Variants in DZIP1L observed in about 807,000 individuals in gnomAD.
The protein encoded by DZIP1L is cilium assembly protein DZIP1L.
A neutral mutation model predicts 88.7 loss-of-function variants in DZIP1L; 90 were observed. That is an observed-to-expected ratio of 1.02 (90% CI 0.86 to 1.21). The LOEUF (loss-of-function observed/expected upper bound fraction) is 1.21. Among genes scored for constraint, DZIP1L ranks in the 50% most tolerant of loss-of-function variants. The pLI is 0.00. For synonymous variants in DZIP1L, 363 were observed against 372.1 expected, an observed-to-expected ratio of 0.98 and a Z score of 0.28; for missense variants, 932 against 955.8, an observed-to-expected ratio of 0.98 and a Z score of 0.33.
chr3:138,099,162 T>C (rs1405956274), intron 2 of DZIP1L, among the ~76,000 whole-genome samples: 1 of 152,118 alleles, frequency 6.6e-6, no homozygotes, highest in Non-Finnish European at 1.5e-5. Context: ...TTGGTCTTTG[T>C]TCCTTCCTAG....
rs905649214 is a variant in DZIP1L at position 138,086,037 on chromosome 3, C to T, written c.1062+924G>A. Reference sequence around the variant, plus strand: ...AAACCAAACACCGCATGTTCTCACTCATAGTTGGGAATTGAACAATGAGAA... The same window carrying T: ...AAACCAAACACCGCATGTTCTCACTTATAGTTGGGAATTGAACAATGAGAA... On this transcript the variant is annotated intron_variant, in intron 7 of 15. Transcript: ENST00000327532. Among the ~76,000 whole-genome samples the T allele has an allele frequency of 1.5e-4, 22 of 151,194 alleles. No individual in the cohort carries two copies. The East Asian group carries it at 2.0e-3, about 14-fold the overall frequency.
chr3:138,084,344 C>G, intron 7 of DZIP1L, 91 bp from the exon 8 acceptor site: 2 of 1,476,432 alleles, frequency 1.4e-6, no homozygotes, highest in Non-Finnish European at 1.8e-6. Flanking sequence ...AGGCAAGTGC[C>G]AGGCAAGCAC....
intron 11 of DZIP1L, among the ~76,000 whole-genome samples, chr3:138,073,664 C>T (rs1384460792): frequency 1.3e-5 from 2 of 152,102 alleles, no homozygotes; most frequent in East Asian, 3.9e-4. Context: ...GGTTCTTTAA[C>T]ACCCACAAAA....
intron 11 of DZIP1L, 134 bp from the exon 12 acceptor site, chr3:138,071,969 G>C: frequency 2.3e-6 from 2 of 853,594 alleles, no homozygotes; most frequent in Non-Finnish European, 1.7e-6. Flanking sequence ...GGACTGGGGG[G>C]CATGAAATGA....
At chr3:138,068,446 C>A in intron 12 of DZIP1L, 79 bp from the exon 13 acceptor site, 1 of 1,082,014 alleles carries the variant, frequency 9.2e-7, no homozygotes, top group Non-Finnish European at 1.3e-6. Context: ...AAAGTGGCTC[C>A]AACACCCTGG....
chr3:138,075,379 T>A (rs1173563342), intron 11 of DZIP1L, among the ~76,000 whole-genome samples: 1 of 152,148 alleles, frequency 6.6e-6, no homozygotes, highest in East Asian at 1.9e-4. Context: ...CATGGAACAT[T>A]CTCCAAGATA....
chr3:138,088,575 A>G, intron 5 of DZIP1L, 68 bp from the exon 6 acceptor site: 1 of 1,555,316 alleles, frequency 6.4e-7, no homozygotes, highest in South Asian at 1.2e-5. Flanking sequence ...TTATACCCAG[A>G]ACAGTGTCAG....
chr3:138,084,005 C>G (rs876013), intron 8 of DZIP1L, 108 bp downstream of exon 8: 10 of 1,451,620 alleles, frequency 6.9e-6, no homozygotes, highest in South Asian at 4.2e-5. Context: ...CCTTAAGGAG[C>G]CTGAGTGGTA....
chr3:138,110,454 T>TA (rs1331981916), intron 1 of DZIP1L, among the ~76,000 whole-genome samples: 25 of 151,418 alleles, frequency 1.7e-4, no homozygotes, highest in Admixed American at 3.9e-4. Flanking sequence ...AGTATAATAA[T>TA]AAAAAAAAAC....
intron 2 of DZIP1L, chr3:138,102,266 C>A: frequency 6.9e-7 from 1 of 1,447,310 alleles, no homozygotes; most frequent in Non-Finnish European, 9.7e-7. Context: ...TCTCGTCAGT[C>A]AGCCCTTCCA....
chr3:138,077,666 G>A, intron 10 of DZIP1L, 34 bp from the exon 11 acceptor site: 1 of 1,611,094 alleles, frequency 6.2e-7, no homozygotes, highest in East Asian at 2.2e-5. Context: ...GATCAGCCTG[G>A]GCACCTGAGT....
At chr3:138,078,048 G>A (rs1943493143) in intron 10 of DZIP1L, among the ~76,000 whole-genome samples, 1 of 152,204 alleles carries the variant, frequency 6.6e-6, no homozygotes, top group African/African-American at 2.4e-5. Context: ...ACCCTCCAAA[G>A]AGTCTGATTC....
In DZIP1L at chr3:138,092,224, G is replaced by A. The variant is rs559273546; in HGVS notation, c.870+159C>T. On this transcript the variant is annotated intron_variant, in intron 5 of 15. Transcript: ENST00000327532. ...CACAGCAGTGATTCAACCCCAAGGC[G>A]TCTGAAATCTGGGCCTCTAATATCA... 1.2e-3 allele frequency: 861 copies of A among 747,372 alleles called. 2 individuals are homozygous for A. The highest frequency in any genetic ancestry group is 1.4e-3 in the Non-Finnish European group (727 of 510,524). The allele number at this position is 747,372 out of a possible 1,614,324, so 46.3% of individuals were successfully genotyped here.
rs899461855 is a variant in DZIP1L at position 138,089,118 on chromosome 3, A to G, written c.871-611T>C. The G allele has an allele frequency of 4.1e-5, 40 of 985,440 alleles. No individual in the cohort carries two copies. In the African/African-American group the frequency reaches 6.5e-4, roughly 16 times the overall value. The allele number at this position is 985,440 out of a possible 1,614,324, so 61.0% of individuals were successfully genotyped here. A position where few individuals can be genotyped will look rare whatever the true frequency, so the allele number is the denominator to read the frequency against. On this transcript the variant is annotated intron_variant, in intron 5 of 15. Transcript: ENST00000327532. Reference sequence around the variant, plus strand: ...GTAGTAACAAAAGCAACATATTTCTATCTGTATGACTGTATAAAACTCATA... The same window carrying G: ...GTAGTAACAAAAGCAACATATTTCTGTCTGTATGACTGTATAAAACTCATA...
chr3:138,082,061 A>G (rs1943687098), intron 8 of DZIP1L, among the ~76,000 whole-genome samples: 1 of 152,250 alleles, frequency 6.6e-6, no homozygotes. Flanking sequence ...AGAGTGGGAC[A>G]GGCACACAGT....
rs1042858262 is a variant in DZIP1L at position 138,063,230 on chromosome 3, T to C, written c.2143-253A>G. Reference sequence around the variant, plus strand: ...TACTAACCAAACCCAGGCAAGTGCCTTGGAAAGGCCTATGTGCAGAGAAGG... The same window carrying C: ...TACTAACCAAACCCAGGCAAGTGCCCTGGAAAGGCCTATGTGCAGAGAAGG... On this transcript the variant is annotated intron_variant, in intron 15 of 15. Coordinates refer to ENST00000327532, the MANE Select transcript of DZIP1L (RefSeq NM_173543.3). This position sits in a 1 kb window ranked among gnomAD's most constrained non-coding sequence, Gnocchi z 4.1. Among the ~76,000 whole-genome samples, 2 of 152,118 alleles carry C rather than the reference T, an allele frequency of 1.3e-5. No individual in the cohort carries two copies. Among genetic ancestry groups the C allele is most frequent in the African/African-American group, 4.8e-5 (2 of 41,408 alleles).
chr3:138,106,015 T>C (rs535642471), intron 1 of DZIP1L, among the ~76,000 whole-genome samples: 11 of 150,210 alleles, frequency 7.3e-5, no homozygotes, highest in African/African-American at 7.3e-5. Context: ...TTTTTTAAAA[T>C]AAAACATAGA....
chr3:138,066,591 C>T (rs1310422999), intron 14 of DZIP1L, among the ~76,000 whole-genome samples: 1 of 152,066 alleles, frequency 6.6e-6, no homozygotes, highest in Non-Finnish European at 1.5e-5. Context: ...ATGTGTGTGG[C>T]TCAGCCTTCC....
intron 10 of DZIP1L, 47 bp downstream of exon 10, chr3:138,080,520 A>G (rs1263167545): frequency 6.2e-7 from 1 of 1,604,264 alleles, no homozygotes; most frequent in Admixed American, 1.7e-5. Flanking sequence ...GGAGGGCAGC[A>G]AATCTGTTTC....
Sources: gnomAD v4.1 joint callset for allele counts (sites outside exome capture counted in the v4.1 genomes callset) on GRCh38, gnomAD v4.1.1 for gene constraint, Gnocchi (gnomAD v3.1) non-coding constraint, MANE v1.5 for transcripts, NCBI Gene and HGNC (gene_info 2026-07-23, HGNC 2026-07-21) for gene names.